The following SPATA6L variants were observed in gnomAD, a reference collection of about 807,000 sequenced individuals.
The protein encoded by SPATA6L is spermatogenesis associated 6-like protein.
A neutral mutation model predicts 49.2 loss-of-function variants in SPATA6L; 68 were observed. That is an observed-to-expected ratio of 1.38 (90% CI 1.14 to 1.69). The LOEUF (loss-of-function observed/expected upper bound fraction) is 1.69, where lower values mean the gene tolerates loss of function less well. SPATA6L is among the 40% of genes most tolerant of loss of function. The pLI, the probability that SPATA6L is intolerant of heterozygous loss-of-function variation, is 0.00. For synonymous variants in SPATA6L, 198 were observed against 165.7 expected, an observed-to-expected ratio of 1.19 and a Z score of -1.50; for missense variants, 668 against 464.3, an observed-to-expected ratio of 1.44 and a Z score of -4.03.
intron 7 of SPATA6L, among the ~76,000 whole-genome samples, chr9:4,621,639 C>T (rs1829324839): frequency 6.6e-6 from 1 of 152,082 alleles, no homozygotes; most frequent in African/African-American, 2.4e-5. Flanking sequence ...CAGGCATGTG[C>T]CACCACGCCC....
intron 9 of SPATA6L, among the ~76,000 whole-genome samples, chr9:4,616,802 C>G (rs936696180): frequency 6.6e-6 from 1 of 152,180 alleles, no homozygotes; most frequent in African/African-American, 2.4e-5. Flanking sequence ...TCAGGCTGGT[C>G]TCAAACTCCA....
chr9:4,588,878 A>G (rs1212346242), exon 14 of SPATA6L: 1 of 152,222 alleles, frequency 6.6e-6, no homozygotes, highest in Non-Finnish European at 1.5e-5. Flanking sequence ...TTCTTAGAAG[A>G]GCCATGGGAA....
downstream of SPATA6L, among the ~76,000 whole-genome samples, chr9:4,596,082 A>G (rs900596591): frequency 3.9e-5 from 6 of 152,238 alleles, no homozygotes; most frequent in African/African-American, 1.4e-4. Flanking sequence ...GGTCCTAAAG[A>G]CATCCGAGTT....
intron 2 of SPATA6L, among the ~76,000 whole-genome samples, chr9:4,656,742 G>T (rs1430844287): frequency 6.6e-6 from 1 of 152,158 alleles, no homozygotes; most frequent in African/African-American, 2.4e-5. Context: ...ACTGTTTGTT[G>T]CTAAAAGCCC....
chr9:4,665,000 T>C (rs1448602590), intron 1 of SPATA6L: 1 of 167,136 alleles, frequency 6.0e-6, no homozygotes. Flanking sequence ...AAGCAAATGA[T>C]ATTTCCTCTT....
chr9:4,612,414 C>T (rs372068362), intron 9 of SPATA6L, among the ~76,000 whole-genome samples: 1 of 152,130 alleles, frequency 6.6e-6, no homozygotes, highest in African/African-American at 2.4e-5. Flanking sequence ...CTTCCATAGG[C>T]ATTTGGCAAC....
chr9:4,651,065 C>T (rs1207237470), intron 3 of SPATA6L, among the ~76,000 whole-genome samples: 3 of 151,878 alleles, frequency 2.0e-5, no homozygotes, highest in South Asian at 2.1e-4. Flanking sequence ...TAGAGTGGTA[C>T]GATCACAGCT....
At chr9:4,607,449 G>A (rs973607886) in intron 9 of SPATA6L, among the ~76,000 whole-genome samples, 3 of 152,196 alleles carry the variant, frequency 2.0e-5, no homozygotes, top group Non-Finnish European at 4.4e-5. Context: ...GGATCTCTTG[G>A]CAGAAACCCT....
intron 6 of SPATA6L, 100 bp downstream of exon 6, chr9:4,625,226 GA>G: frequency 6.8e-7 from 1 of 1,463,232 alleles, no homozygotes; most frequent in Non-Finnish European, 9.0e-7. Flanking sequence ...CCTTTTTATT[GA>G]ATATTATTCA....
At chr9:4,591,181 C>T (rs570296460) in intron 13 of SPATA6L, among the ~76,000 whole-genome samples, 1 of 152,188 alleles carries the variant, frequency 6.6e-6, no homozygotes, top group South Asian at 2.1e-4. Flanking sequence ...AAAGGTACTA[C>T]TCCTTCCAGT....
At chr9:4,656,600 G>A (rs1418601812) in intron 2 of SPATA6L, among the ~76,000 whole-genome samples, 1 of 152,214 alleles carries the variant, frequency 6.6e-6, no homozygotes, top group Non-Finnish European at 1.5e-5. Flanking sequence ...TTTAATAGGT[G>A]TCTGATTAAA....
intron 2 of SPATA6L, among the ~76,000 whole-genome samples, chr9:4,657,638 G>C (rs965299578): frequency 1.3e-5 from 2 of 152,134 alleles, no homozygotes; most frequent in African/African-American, 4.8e-5. Flanking sequence ...AGAACTAAAA[G>C]AGGTTCAGAG....
chr9:4,656,143 A>G, intron 2 of SPATA6L, 54 bp from the exon 3 acceptor site: 1 of 1,485,588 alleles, frequency 6.7e-7, no homozygotes, highest in Non-Finnish European at 9.3e-7. Context: ...ATAAGCGCAT[A>G]TAGAAACTGT....
chr9:4,644,685 T>TCTCACACACACA (rs1438618515), intron 3 of SPATA6L, among the ~76,000 whole-genome samples: 145 of 107,744 alleles, frequency 1.3e-3, no homozygotes, highest in Middle Eastern at 0.01. Context: ...TCTCTCTCTC[T>TCTCACACACACA]CACACACACA....
chr9:4,607,773 G>C (rs1229933334), intron 9 of SPATA6L, among the ~76,000 whole-genome samples: 1 of 152,090 alleles, frequency 6.6e-6, no homozygotes, highest in African/African-American at 2.4e-5. Flanking sequence ...CATCATGACA[G>C]GATCAAATTC....
intron 9 of SPATA6L, among the ~76,000 whole-genome samples, chr9:4,616,005 A>G (rs1300642836): frequency 6.6e-6 from 1 of 152,206 alleles, no homozygotes; most frequent in Non-Finnish European, 1.5e-5. Context: ...GAAGCCAGGC[A>G]CGGTGGCTCA....
intron 4 of SPATA6L, chr9:4,633,525 T>C (rs1249997924): frequency 5.5e-6 from 1 of 181,366 alleles, no homozygotes; most frequent in Non-Finnish European, 1.2e-5. Context: ...ACAAAGAAGG[T>C]AAGAAACCTA....
rs955172176 is a variant in SPATA6L at position 4,662,615 on chromosome 9, G to C, written c.40-579C>G. 8.8e-6 allele frequency: 14 copies of C among 1,595,498 alleles called. No homozygotes were observed. In the African/African-American group the frequency reaches 1.7e-4, roughly 20 times the overall value. The stretch of plus-strand genomic sequence containing the variant: ...CCCTGGCCGCGGCGGGCCCCTCGCA[G>C]TCGCCCGCGCCTCCGCTGCCCGAGG... On this transcript the variant is annotated intron_variant, in intron 1 of 11. Coordinates refer to ENST00000682582, the MANE Select transcript of SPATA6L (RefSeq NM_001353486.2). This position sits in a 1 kb window ranked among gnomAD's most constrained non-coding sequence, Gnocchi z 4.9.
chr9:4,643,727 G>A (rs893440719), intron 3 of SPATA6L, among the ~76,000 whole-genome samples: 10 of 152,096 alleles, frequency 6.6e-5, no homozygotes, highest in South Asian at 2.1e-4. Context: ...GATGTAGGCC[G>A]GGGGCAGTGG....
Sources: allele counts gnomAD v4.1 joint callset (sites outside exome capture counted in the v4.1 genomes callset), GRCh38; gene constraint gnomAD v4.1.1; non-coding constraint Gnocchi (gnomAD v3.1); transcripts MANE v1.5; gene names NCBI Gene and HGNC (gene_info 2026-07-23, HGNC 2026-07-21).